Variants in MYO9B observed in about 807,000 individuals in gnomAD.
MYO9B encodes unconventional myosin-IXb.
MYO9B carries 71 observed loss-of-function variants against 229.5 expected under a neutral mutation model. The observed-to-expected ratio is 0.31, with a 90% CI of 0.26 to 0.38. The LOEUF is 0.38. Ranked by LOEUF, MYO9B falls within the 10% of genes least tolerant of loss-of-function variation. The pLI, the probability that MYO9B is intolerant of heterozygous loss-of-function variation, is 1.00. For missense variants in MYO9B, 2,255 were observed against 2,920.5 expected (o/e 0.77, Z 5.25); for synonymous variants, 1,185 against 1,235.8 (o/e 0.96, Z 0.86).
intron 2 of MYO9B, among the ~76,000 whole-genome samples, chr19:17,106,796 C>T (rs1355460330): frequency 1.3e-5 from 2 of 152,206 alleles, no homozygotes; most frequent in African/African-American, 4.8e-5. Flanking sequence ...GGTGCAGTGG[C>T]TCATGCCTGT....
chr19:17,189,493 C>T (rs994722976), intron 19 of MYO9B, among the ~76,000 whole-genome samples: 1 of 151,354 alleles, frequency 6.6e-6, no homozygotes, highest in Admixed American at 6.6e-5. Flanking sequence ...AAAAGCCAGG[C>T]GTGCTGGCAT....
intron 2 of MYO9B, among the ~76,000 whole-genome samples, chr19:17,124,412 A>C (rs2057994659): frequency 6.6e-6 from 1 of 152,204 alleles, no homozygotes; most frequent in Admixed American, 6.5e-5. Context: ...ACACTCTAAC[A>C]ATGCAATAAA....
At position 17,212,334 on chromosome 19, in the gene MYO9B, A is replaced by G. The variant is rs1342648531; in HGVS notation, c.*24A>G. On this transcript the variant is annotated 3_prime_UTR_variant, in exon 40 of 40. Coordinates refer to ENST00000682292, the MANE Select transcript of MYO9B (RefSeq NM_004145.4). The surrounding 1 kb of genome is among the most constrained non-coding windows in gnomAD (Gnocchi z 5.4). ...GAGAGCCACAGCTGACAAAGTCTGC[A>G]TGTCCGAGGACGGCCCCTGCACTGG... The G allele has an allele frequency of 1.4e-6, 2 of 1,455,504 alleles. No individual in the cohort carries two copies. The highest frequency in any genetic ancestry group is 2.9e-5 in the South Asian group (2 of 69,734). 90.2% of individuals were successfully genotyped at this position (1,455,504 alleles called of 1,614,324 possible).
intron 1 of MYO9B, among the ~76,000 whole-genome samples, chr19:17,088,346 C>T (rs2057603592): frequency 6.6e-6 from 1 of 152,242 alleles, no homozygotes; most frequent in Non-Finnish European, 1.5e-5. Flanking sequence ...TAACTGACTA[C>T]ATCCCCAAAG....
chr19:17,170,835 A>T (rs1254538685), intron 11 of MYO9B, among the ~76,000 whole-genome samples: 1 of 149,392 alleles, frequency 6.7e-6, no homozygotes, highest in Non-Finnish European at 1.5e-5. Flanking sequence ...AAAAATTAAA[A>T]AAAAAAAAAA....
Position 17,148,410 on chromosome 19 carries a change from A to G in MYO9B, c.935+2919A>G, listed in dbSNP as rs1349464305. Among the ~76,000 whole-genome samples the G allele has an allele frequency of 4.6e-5, 7 of 152,142 alleles. 1 individual carries two copies. Among genetic ancestry groups the G allele is most frequent in the Non-Finnish European group, 1.5e-5 (1 of 68,036 alleles). ...CTGAAGCAACAGGAATTATTCTCTT[A>G]TCATCCCAGAGGCCAGAAGTCGGAT... On this transcript the variant is annotated intron_variant, in intron 3 of 39. Coordinates refer to ENST00000682292, the MANE Select transcript of MYO9B (RefSeq NM_004145.4).
At chr19:17,176,271 C>T (rs1304581882) in intron 14 of MYO9B, among the ~76,000 whole-genome samples, 1 of 151,564 alleles carries the variant, frequency 6.6e-6, no homozygotes, top group Non-Finnish European at 1.5e-5. Context: ...CTCCTGACCT[C>T]GTGATCCACC....
intron 30 of MYO9B, among the ~76,000 whole-genome samples, chr19:17,203,531 T>TG (rs1416661894): frequency 6.6e-6 from 1 of 151,124 alleles, no homozygotes; most frequent in African/African-American, 2.4e-5. Context: ...GAGAATCACT[T>TG]GAACCTGGGA....
intron 2 of MYO9B, among the ~76,000 whole-genome samples, chr19:17,104,572 G>A (rs2057775647): frequency 6.6e-6 from 1 of 152,146 alleles, no homozygotes; most frequent in African/African-American, 2.4e-5. Context: ...CTGGGTGTGG[G>A]ATCTGCCTTT....
chr19:17,171,915 C>G (rs2072728792), intron 11 of MYO9B, among the ~76,000 whole-genome samples: 1 of 152,210 alleles, frequency 6.6e-6, no homozygotes, highest in South Asian at 2.1e-4. Flanking sequence ...GCCTGGGCAA[C>G]AGAGTGAGAC....
At chr19:17,158,341 G>T (rs1048939466) in intron 7 of MYO9B, among the ~76,000 whole-genome samples, 1 of 152,126 alleles carries the variant, frequency 6.6e-6, no homozygotes, top group Non-Finnish European at 1.5e-5. Flanking sequence ...GGAGGCTGAG[G>T]CAGGTGGATC....
chr19:17,152,531 C>G, intron 3 of MYO9B, 113 bp from the exon 4 acceptor site: 1 of 821,758 alleles, frequency 1.2e-6, no homozygotes, highest in Non-Finnish European at 1.8e-6. Flanking sequence ...CCGTTGTACT[C>G]CAGCCTGAAC....
intron 1 of MYO9B, 24 bp downstream of exon 1, chr19:17,075,898 T>G (rs1448178634): frequency 6.6e-6 from 1 of 151,394 alleles, no homozygotes; most frequent in African/African-American, 2.4e-5. Context: ...AGCCTCGGGT[T>G]GGCGACTCGA....
At chr19:17,153,162 T>TTTGG (rs1391521948) in intron 4 of MYO9B, among the ~76,000 whole-genome samples, 10 of 74,422 alleles carry the variant, frequency 1.3e-4, no homozygotes, top group Non-Finnish European at 1.5e-4. Context: ...TTGGGGTTTT[T>TTTGG]TTGGTTTGTT....
rs1190377694 is a variant in MYO9B, at chr19:17,101,842, G to A, written c.125G>A (p.Ser42Asn). The A allele has an allele frequency of 1.2e-6, 2 of 1,611,454 alleles. No individual in the cohort carries two copies. Among genetic ancestry groups the A allele is most frequent in the East Asian group, 2.2e-5 (1 of 44,812 alleles). ...TGCCGCGTGACTGCCACCAAGGACA[G>A]CACCACCTCGGACGTCATCAAGGAC... ...ASCRVTATKD[S>N]TTSDVIKDAI... Residue 42 changes from serine (S) to asparagine (N), a missense_variant, in exon 2 of 40, where the codon AGC becomes AAC. Transcript: ENST00000682292. This position sits in a 1 kb window ranked among gnomAD's most constrained non-coding sequence, Gnocchi z 4.7.
chr19:17,079,839 C>T (rs910505238), intron 1 of MYO9B, among the ~76,000 whole-genome samples: 2 of 152,294 alleles, frequency 1.3e-5, no homozygotes, highest in African/African-American at 2.4e-5. Context: ...CGGCCCCAGG[C>T]GGCCTCTCGG....
intron 3 of MYO9B, among the ~76,000 whole-genome samples, chr19:17,147,542 C>CAAAA (rs71334674): frequency 4.7e-5 from 3 of 64,330 alleles, no homozygotes; most frequent in African/African-American, 1.0e-4. Flanking sequence ...AAGTCCATCT[C>CAAAA]AAAAAAAAAA....
At position 17,211,640 on chromosome 19, in the gene MYO9B, C is replaced by T. The variant is rs1399940428; in HGVS notation, c.5931-7C>T. ...GGCCTTGGACACCACTACCCTTTTTCCTCCAGGGAGGACATCACCTACCGG... is the reference window on the plus strand; with the variant it reads ...GGCCTTGGACACCACTACCCTTTTTTCTCCAGGGAGGACATCACCTACCGG... On this transcript the variant is annotated splice_region_variant and splice_polypyrimidine_tract_variant and intron_variant, in intron 38 of 39. Coordinates refer to ENST00000682292, the MANE Select transcript of MYO9B (RefSeq NM_004145.4). The T allele has an allele frequency of 6.3e-7, 1 of 1,590,036 alleles. No individual in the cohort carries two copies. Among genetic ancestry groups the T allele is most frequent in the South Asian group, 1.1e-5 (1 of 88,686 alleles).
intron 2 of MYO9B, among the ~76,000 whole-genome samples, chr19:17,124,623 T>C (rs1271799918): frequency 2.6e-5 from 4 of 151,204 alleles, no homozygotes; most frequent in African/African-American, 9.7e-5. Context: ...AATACAAAAA[T>C]TAGCCGGGCA....
Sources: allele counts gnomAD v4.1 joint callset (sites outside exome capture counted in the v4.1 genomes callset), GRCh38; gene constraint gnomAD v4.1.1; non-coding constraint Gnocchi (gnomAD v3.1); transcripts MANE v1.5; gene names NCBI Gene and HGNC (gene_info 2026-07-23, HGNC 2026-07-21).